Variants in SLC29A3 observed in about 807,000 individuals in gnomAD.
SLC29A3 encodes solute carrier family 29 member 3, also known as equilibrative nucleoside transporter 3.
In SLC29A3, 18 loss-of-function variants were observed where a neutral mutation model predicts 25.4. That is an observed-to-expected ratio of 0.71 (90% CI 0.49 to 1.05). The LOEUF (loss-of-function observed/expected upper bound fraction) is 1.05. Among genes scored for constraint, SLC29A3 ranks in the 50% least tolerant of loss-of-function variants. The pLI is 0.00. For missense variants in SLC29A3, 586 were observed against 609.0 expected (o/e 0.96, Z 0.40); for synonymous variants, 258 against 267.1 (o/e 0.97, Z 0.33).
At chr10:71,355,277 C>T (rs1372709539) in intron 4 of SLC29A3, among the ~76,000 whole-genome samples, 3 of 152,190 alleles carry the variant, frequency 2.0e-5, no homozygotes, top group Admixed American at 1.3e-4. Context: ...TGACTCCTAG[C>T]CCCGTTGGCA....
intron 2 of SLC29A3, among the ~76,000 whole-genome samples, chr10:71,332,107 T>C (rs952101607): frequency 6.6e-6 from 1 of 152,074 alleles, no homozygotes; most frequent in Admixed American, 6.5e-5. Context: ...CAATCCTCTT[T>C]TATTCTTTTT....
intron 3 of SLC29A3, among the ~76,000 whole-genome samples, chr10:71,369,399 A>C (rs896985350): frequency 2.0e-5 from 3 of 152,222 alleles, no homozygotes; most frequent in Admixed American, 2.0e-4. Context: ...GGACATTTCT[A>C]TGCAATATAT....
chr10:71,371,655 G>A (rs981652379), intron 3 of SLC29A3, among the ~76,000 whole-genome samples: 4 of 152,154 alleles, frequency 2.6e-5, no homozygotes, highest in South Asian at 4.1e-4. Flanking sequence ...TTTGAACCCC[G>A]ACTCTATGTC....
intron 4 of SLC29A3, among the ~76,000 whole-genome samples, chr10:71,379,614 C>G (rs1480151506): frequency 6.6e-6 from 1 of 152,200 alleles, no homozygotes; most frequent in Non-Finnish European, 1.5e-5. Flanking sequence ...TTTCCTTCAG[C>G]CCTCTCTGTC....
intron 4 of SLC29A3, among the ~76,000 whole-genome samples, chr10:71,378,341 C>A (rs1377229822): frequency 2.0e-5 from 3 of 152,176 alleles, no homozygotes; most frequent in Non-Finnish European, 4.4e-5. Flanking sequence ...TCTCCTCCCA[C>A]CCTGTCTCCC....
chr10:71,324,417 A>G (rs1027313216), intron 2 of SLC29A3, among the ~76,000 whole-genome samples: 2 of 151,930 alleles, frequency 1.3e-5, no homozygotes, highest in African/African-American at 4.8e-5. Context: ...ATATGGGGGG[A>G]TCCTGGAACC....
intron 5 of SLC29A3, among the ~76,000 whole-genome samples, chr10:71,356,832 G>C (rs1846926038): frequency 6.6e-6 from 1 of 152,082 alleles, no homozygotes; most frequent in East Asian, 1.9e-4. Context: ...CTCTGAAAAT[G>C]AACAAACAAA....
At chr10:71,353,607 GA>G (rs1846820030) in intron 4 of SLC29A3, among the ~76,000 whole-genome samples, 1 of 152,156 alleles carries the variant, frequency 6.6e-6, no homozygotes, top group African/African-American at 2.4e-5. Flanking sequence ...TAATGACCCT[GA>G]GTCTAAACCG....
chr10:71,363,040 T>C lies in SLC29A3; in HGVS notation c.*432T>C, dbSNP rs1469040176. The C allele has an allele frequency of 8.8e-6, 4 of 456,700 alleles. No individual in the cohort carries two copies. Among genetic ancestry groups the C allele is most frequent in the African/African-American group, 2.0e-5 (1 of 50,134 alleles). The allele number at this position is 456,700 out of a possible 1,614,324, so 28.3% of individuals were successfully genotyped here. ...ATGCAAGCAAATGCTCAGCTCTCCT[T>C]ACCCTGAAGGGGTCTCCCTGGAATG... On this transcript the variant is annotated 3_prime_UTR_variant, in exon 6 of 6. Coordinates refer to ENST00000373189, the MANE Select transcript of SLC29A3 (RefSeq NM_018344.6).
intron 3 of SLC29A3, among the ~76,000 whole-genome samples, chr10:71,350,409 T>C (rs1391727719): frequency 6.6e-6 from 1 of 151,938 alleles, no homozygotes; most frequent in African/African-American, 2.4e-5. Flanking sequence ...GTAATCTGGC[T>C]TTTCTCCCAG....
chr10:71,363,522 G>A (rs1847124568), downstream of SLC29A3: 1 of 364,080 alleles, frequency 2.7e-6, no homozygotes, highest in South Asian at 2.1e-5. Context: ...GGAGTGCAGT[G>A]GCTCGATCAT....
At chr10:71,357,004 G>C (rs1846931495) in intron 5 of SLC29A3, among the ~76,000 whole-genome samples, 1 of 152,190 alleles carries the variant, frequency 6.6e-6, no homozygotes, top group African/African-American at 2.4e-5. Context: ...CTGGAGTGCA[G>C]GGATGCAATC....
rs149510235 is a variant in SLC29A3 at position 71,336,429 on chromosome 10, C to T, written c.301-7780C>T. The stretch of plus-strand genomic sequence containing the variant: ...GGTTACAGGTGGGCTGCGAGGAGGA[C>T]GCTGAGGACCCTTAGAGGAAATGTT... On this transcript the variant is annotated intron_variant, in intron 2 of 5. Transcript: ENST00000373189. Among the ~76,000 whole-genome samples, 352 of 152,058 alleles carry T rather than the reference C, an allele frequency of 2.3e-3. 3 individuals carry two copies. The highest frequency in any genetic ancestry group is 0.02 in the Middle Eastern group (6 of 294).
At position 71,338,939 on chromosome 10, in the gene SLC29A3, G is replaced by A. The variant is rs147939578; in HGVS notation, c.301-5270G>A. On this transcript the variant is annotated intron_variant, in intron 2 of 5. Coordinates refer to ENST00000373189, the MANE Select transcript of SLC29A3 (RefSeq NM_018344.6). ...ATCTGAGGCTTCCTGGTGATGCACC[G>A]CGACCCCAGTGATAGTGTTTGGGCT... is the stretch of plus-strand genomic sequence containing the variant. Among the ~76,000 whole-genome samples, 426 of 152,262 alleles carry A rather than the reference G, an allele frequency of 2.8e-3. 2 individuals are homozygous for A. The highest frequency in any genetic ancestry group is 9.7e-3 in the African/African-American group (405 of 41,556).
chr10:71,348,975 A>G (rs1437883542), intron 3 of SLC29A3, among the ~76,000 whole-genome samples: 1 of 152,170 alleles, frequency 6.6e-6, no homozygotes, highest in African/African-American at 2.4e-5. Flanking sequence ...TTGGAGAGCC[A>G]GTGTGGAGCA....
chr10:71,344,996 C>G (rs556428337), intron 3 of SLC29A3, among the ~76,000 whole-genome samples: 1 of 152,218 alleles, frequency 6.6e-6, no homozygotes, highest in African/African-American at 2.4e-5. Context: ...TCTGTTTTGC[C>G]CAGTTCTAAT....
intron 4 of SLC29A3, among the ~76,000 whole-genome samples, chr10:71,353,087 T>G (rs774210609): frequency 2.6e-5 from 4 of 152,194 alleles, no homozygotes; most frequent in Non-Finnish European, 5.9e-5. Flanking sequence ...CAGACATCAC[T>G]GGTGGATCTC....
chr10:71,331,957 G>A (rs1338799957), intron 2 of SLC29A3, among the ~76,000 whole-genome samples: 1 of 152,102 alleles, frequency 6.6e-6, no homozygotes, highest in East Asian at 1.9e-4. Context: ...GGGCACTGTT[G>A]CCAGGTGGTC....
intron 2 of SLC29A3, among the ~76,000 whole-genome samples, chr10:71,334,838 G>A (rs1268059257): frequency 2.0e-5 from 3 of 151,986 alleles, no homozygotes; most frequent in Non-Finnish European, 4.4e-5. Flanking sequence ...AGGGCCAACC[G>A]TACGCTGTTC....
Sources: allele counts gnomAD v4.1 joint callset (sites outside exome capture counted in the v4.1 genomes callset), GRCh38; gene constraint gnomAD v4.1.1; transcripts MANE v1.5; gene names NCBI Gene and HGNC (gene_info 2026-07-23, HGNC 2026-07-21).